Variants in USH2A observed in about 807,000 individuals in gnomAD.
USH2A encodes the protein Usher syndrome 2A (autosomal recessive, mild).
USH2A carries 443 observed loss-of-function variants against 538.9 expected under a neutral mutation model. That is an observed-to-expected ratio of 0.82 (90% CI 0.76 to 0.89). The LOEUF is 0.89. USH2A is among the 40% of genes least tolerant of loss of function. The probability of loss-of-function intolerance (pLI) is 0.00; values close to 1 mark genes in which losing one functional copy is unlikely to be tolerated. For synonymous variants in USH2A, 2,413 were observed against 2,273.5 expected (o/e 1.06, Z -1.75); for missense variants, 6,633 against 6,324.8 (o/e 1.05, Z -1.65).
intron 40 of USH2A, among the ~76,000 whole-genome samples, chr1:215,896,116 A>C (rs1440092292): frequency 1.3e-5 from 2 of 152,230 alleles, no homozygotes; most frequent in African/African-American, 2.4e-5. Context: ...TGAACAAATG[A>C]AAAGTTGTCT....
chr1:215,647,848 T>C (rs1287149887), intron 66 of USH2A, 118 bp from the exon 67 acceptor site: 2 of 1,214,726 alleles, frequency 1.6e-6, no homozygotes, highest in African/African-American at 1.5e-5. Context: ...CTACAGGCTC[T>C]TTAAAATTTC....
At chr1:215,632,855 A>G (rs569229425) in intron 70 of USH2A, among the ~76,000 whole-genome samples, 36 of 152,298 alleles carry the variant, frequency 2.4e-4, no homozygotes, top group Non-Finnish European at 3.7e-4. Flanking sequence ...TCTCCTAATG[A>G]CTATTCACTG....
At chr1:215,737,769 G>T (rs1024009061) in intron 60 of USH2A, among the ~76,000 whole-genome samples, 30 of 151,882 alleles carry the variant, frequency 2.0e-4, no homozygotes, top group African/African-American at 7.2e-4. Flanking sequence ...CTTTGCCTTT[G>T]ATTCAATGCT....
In USH2A at chr1:215,623,118, A is replaced by C. The variant is rs1163457889; in HGVS notation, c.*2663T>G. The stretch of plus-strand genomic sequence containing the variant: ...TAATATTTGGGTTCCATTTAGTGGA[A>C]ATTACAGTAGATTATAAACACATTT... On this transcript the variant is annotated 3_prime_UTR_variant, in exon 72 of 72. Coordinates refer to ENST00000307340, the MANE Select transcript of USH2A (RefSeq NM_206933.4). 2.6e-5 allele frequency: 4 copies of C among 152,144 alleles called. No homozygotes were observed. The highest frequency in any genetic ancestry group is 9.7e-5 in the African/African-American group (4 of 41,448). 9.4% of individuals were successfully genotyped at this position (152,144 alleles called of 1,614,324 possible).
Position 215,650,725 on chromosome 1 carries a change from C to T in USH2A, c.14210G>A (p.Gly4737Asp), listed in dbSNP as rs1166684125. The stretch of plus-strand genomic sequence containing the variant: ...CACATGGAACGTGGGGGCTCTGAGA[C>T]CTTCTGGTGGGGCTGGCCCGGTTCT... ...WCRTGPAPPEGLRAPTFHVIS... is the reference protein window; with the variant it reads ...WCRTGPAPPEDLRAPTFHVIS... Residue 4737 changes from glycine to aspartate, a missense_variant, in exon 65 of 72, where the codon GGT (glycine) becomes GAT (aspartate). Transcript: ENST00000307340. 1.2e-6 allele frequency: 2 copies of T among 1,613,944 alleles called. No homozygotes were observed. Among genetic ancestry groups the T allele is most frequent in the Non-Finnish European group, 1.7e-6 (2 of 1,179,988 alleles).
At chr1:216,398,273 CT>C (rs2039249510) in intron 3 of USH2A, among the ~76,000 whole-genome samples, 2 of 152,052 alleles carry the variant, frequency 1.3e-5, no homozygotes, top group East Asian at 3.9e-4. Context: ...TGTAAGATGA[CT>C]TTGCGAAGTA....
intron 14 of USH2A, among the ~76,000 whole-genome samples, chr1:216,225,096 C>T (rs143106417): frequency 1.3e-5 from 2 of 152,168 alleles, no homozygotes; most frequent in East Asian, 3.9e-4. Flanking sequence ...TATATATTTA[C>T]ATTACATGTG....
intron 4 of USH2A, among the ~76,000 whole-genome samples, chr1:216,348,072 C>T (rs2038213494): frequency 6.6e-6 from 1 of 152,096 alleles, no homozygotes; most frequent in African/African-American, 2.4e-5. Flanking sequence ...TTCTTTTAAG[C>T]TATTTACAGC....
At chr1:216,290,396 ATCTC>A (rs1325733752) in intron 10 of USH2A, among the ~76,000 whole-genome samples, 3 of 152,092 alleles carry the variant, frequency 2.0e-5, no homozygotes, top group African/African-American at 4.8e-5. Context: ...CAATCCAGAA[ATCTC>A]TCTTTTATTT....
chr1:216,123,431 C>A (rs2033175680), intron 21 of USH2A, among the ~76,000 whole-genome samples: 6 of 152,144 alleles, frequency 3.9e-5, no homozygotes, highest in Admixed American at 3.9e-4. Context: ...TCGGGTAAAC[C>A]TATAAGCCTC....
At chr1:216,049,951 G>A (rs140271745) in intron 30 of USH2A, among the ~76,000 whole-genome samples, 2 of 152,210 alleles carry the variant, frequency 1.3e-5, no homozygotes, top group African/African-American at 2.4e-5. Flanking sequence ...GCAAGCCAAC[G>A]AACTAATATA....
chr1:216,047,799 C>T (rs1057453355), intron 31 of USH2A, among the ~76,000 whole-genome samples: 16 of 152,134 alleles, frequency 1.1e-4, no homozygotes, highest in African/African-American at 3.9e-4. Context: ...ATGTACAATT[C>T]CTCTTATCCA....
intron 32 of USH2A, among the ~76,000 whole-genome samples, chr1:216,011,761 A>G (rs889066443): frequency 6.6e-6 from 1 of 151,976 alleles, no homozygotes; most frequent in Admixed American, 6.6e-5. Flanking sequence ...CCTGACGCAT[A>G]TACTTTCTGC....
rs397517988 is a variant in USH2A at position 215,671,073 on chromosome 1, C to CT, written c.14031dup (p.Ala4678SerfsTer5). On this transcript the variant is annotated frameshift_variant, in exon 64 of 72. Transcript: ENST00000307340. LOFTEE classifies it high-confidence loss of function. Reference sequence around the variant, plus strand: ...GGATTGGATTTTCTAGGCTGAGTTGCTATTTGTCTTCTGTATAATTCGTAA... The same window carrying CT: ...GGATTGGATTTTCTAGGCTGAGTTGCTTATTTGTCTTCTGTATAATTCGTAA... 1 of 1,614,136 alleles carries CT rather than the reference C, an allele frequency of 6.2e-7. No individual in the cohort carries two copies. The highest frequency in any genetic ancestry group is 1.6e-4 in the Middle Eastern group (1 of 6,062).
At chr1:216,018,129 G>T (rs1039164331) in intron 32 of USH2A, among the ~76,000 whole-genome samples, 3 of 152,058 alleles carry the variant, frequency 2.0e-5, no homozygotes, top group Non-Finnish European at 4.4e-5. Context: ...GTATTATTGG[G>T]TACATTCTTA....
At chr1:216,357,565 T>A (rs1306806871) in intron 4 of USH2A, among the ~76,000 whole-genome samples, 2 of 152,136 alleles carry the variant, frequency 1.3e-5, no homozygotes, top group African/African-American at 4.8e-5. Flanking sequence ...GAGTTAGCTT[T>A]AGACGATGAT....
At chr1:216,401,198 T>C (rs1178794119) in intron 3 of USH2A, among the ~76,000 whole-genome samples, 1 of 152,048 alleles carries the variant, frequency 6.6e-6, no homozygotes. Context: ...AAAAGTACAC[T>C]TTAATGGAAG....
intron 35 of USH2A, among the ~76,000 whole-genome samples, chr1:215,977,070 C>T (rs1255856552): frequency 6.6e-6 from 1 of 151,298 alleles, no homozygotes; most frequent in Non-Finnish European, 1.5e-5. Flanking sequence ...AACACATCCT[C>T]AGAGACTATT....
At chr1:215,679,648 C>T (rs1272384859) in intron 62 of USH2A, among the ~76,000 whole-genome samples, 2 of 152,178 alleles carry the variant, frequency 1.3e-5, no homozygotes. Flanking sequence ...TTGTTTCTCA[C>T]GGCTACATAC....
Sources: allele counts gnomAD v4.1 joint callset (sites outside exome capture counted in the v4.1 genomes callset), GRCh38; gene constraint gnomAD v4.1.1; transcripts MANE v1.5; gene names NCBI Gene and HGNC (gene_info 2026-07-23, HGNC 2026-07-21).